SPTBN4: variants seen among roughly 807,000 people sequenced by gnomAD.
SPTBN4 encodes spectrin beta, non-erythrocytic 4.
Under a neutral mutation model 277.8 loss-of-function variants are expected in SPTBN4, and 96 were observed. That is an observed-to-expected ratio of 0.35 (90% CI 0.29 to 0.41). The LOEUF is 0.41. Among genes scored for constraint, SPTBN4 ranks in the 10% least tolerant of loss-of-function variants. The pLI is 1.00. For synonymous variants in SPTBN4, 1,481 were observed against 1,580.3 expected (o/e 0.94, Z 1.49); for missense variants, 3,006 against 3,595.7 (o/e 0.84, Z 4.19).
chr19:40,534,578 A>G (rs2080714195), intron 20 of SPTBN4: 1 of 556,428 alleles, frequency 1.8e-6, no homozygotes, highest in Non-Finnish European at 3.2e-6. Context: ...TAGAGCCACA[A>G]AGCAGTAGGT....
At chr19:40,508,915 AG>A (rs933026219) in intron 13 of SPTBN4, among the ~76,000 whole-genome samples, 3 of 151,902 alleles carry the variant, frequency 2.0e-5, no homozygotes, top group Non-Finnish European at 2.9e-5. Context: ...TGAGCCGGCG[AG>A]GGGATGCGTG....
Position 40,554,129 on chromosome 19 carries a change from C to T in SPTBN4, c.4675-18C>T. 7.0e-7 allele frequency: 1 copy of T among 1,430,996 alleles called. No individual in the cohort carries two copies. The highest frequency in any genetic ancestry group is 1.5e-5 in the South Asian group (1 of 65,042). 88.6% of individuals were successfully genotyped at this position (1,430,996 alleles called of 1,614,324 possible). A position where few individuals can be genotyped will look rare whatever the true frequency, so the allele number is the denominator to read the frequency against. ...AACGCCCCCTCTCCACCCACATCCC[C>T]TTACCTCCTGCCCCCAGGGCCTGCG... On this transcript the variant is annotated intron_variant, in intron 22 of 35. Transcript: ENST00000598249. The surrounding 1 kb of genome is among the most constrained non-coding windows in gnomAD (Gnocchi z 5.7).
chr19:40,502,840 G>A lies in SPTBN4; in HGVS notation c.1269G>A (p.Arg423=). Residue 423 remains arginine, a synonymous_variant, in exon 11 of 36, where the codon CGG becomes CGA. Coordinates refer to ENST00000598249, the MANE Select transcript of SPTBN4 (RefSeq NM_020971.3). This position sits in a 1 kb window ranked among gnomAD's most constrained non-coding sequence, Gnocchi z 4.9. The part of the protein sequence containing the change: ...REAALRAELI[R]QEKLELLAQR... ...CTGCCCTACGGGCTGAGCTGATTCG[G>A]CAGGAGAAGCTGGAACTACTGGCAC... 6.2e-7 allele frequency: 1 copy of A among 1,613,920 alleles called. No individual in the cohort carries two copies. Among genetic ancestry groups the A allele is most frequent in the African/African-American group, 1.3e-5 (1 of 75,044 alleles).
Position 40,513,214 on chromosome 19 carries a change from C to T in SPTBN4, c.2425C>T (p.Arg809Cys), listed in dbSNP as rs1308554227. 3.3e-6 allele frequency: 5 copies of T among 1,504,420 alleles called. No individual in the cohort carries two copies. The South Asian group carries it at 6.2e-5, about 19-fold the overall frequency. The allele number at this position is 1,504,420 out of a possible 1,614,324, so 93.2% of individuals were successfully genotyped here. A position where few individuals can be genotyped will look rare whatever the true frequency, so the allele number is the denominator to read the frequency against. ...GDFGHDEASSRRLARQHRALT... is the reference protein window; with the variant it reads ...GDFGHDEASSCRLARQHRALT... ...CTTCGGCCACGACGAAGCTTCCAGC[C>T]GCCGCCTGGCGCGCCAGCACCGCGC... The change falls in exon 14 of 36, where the codon CGC (arginine) becomes TGC (cysteine). Residue 809 changes from arginine to cysteine, a missense_variant. By Grantham distance (180) the Arg-to-Cys change is radical. Around this residue, in one of 5 missense-constraint regions of SPTBN4, gnomAD observed 1,759 missense variants for 2,061.5 expected, o/e 0.85. Coordinates refer to ENST00000598249, the MANE Select transcript of SPTBN4 (RefSeq NM_020971.3).
chr19:40,510,089 G>A (rs2145860492), intron 13 of SPTBN4, among the ~76,000 whole-genome samples: 1 of 152,214 alleles, frequency 6.6e-6, no homozygotes, highest in Non-Finnish European at 1.5e-5. Flanking sequence ...CATGGGGATG[G>A]GAGGCAGCGC....
chr19:40,477,941 C>T (rs1033873622), intron 2 of SPTBN4, among the ~76,000 whole-genome samples: 40 of 152,010 alleles, frequency 2.6e-4, no homozygotes, highest in African/African-American at 9.2e-4. Context: ...TGGGTTCAAG[C>T]GATTCTCCTG....
At chr19:40,509,509 T>G (rs1322840215) in intron 13 of SPTBN4, among the ~76,000 whole-genome samples, 2 of 152,184 alleles carry the variant, frequency 1.3e-5, no homozygotes, top group African/African-American at 4.8e-5. Flanking sequence ...CTTCCCAAAG[T>G]GCTGGGATTA....
intron 2 of SPTBN4, among the ~76,000 whole-genome samples, chr19:40,478,898 C>T (rs2145809090): frequency 6.6e-6 from 1 of 152,288 alleles, no homozygotes; most frequent in South Asian, 2.1e-4. Context: ...ATCTCCCATG[C>T]TTAGGGTTCA....
chr19:40,493,814 A>G (rs1397414904), intron 5 of SPTBN4, among the ~76,000 whole-genome samples: 1 of 152,224 alleles, frequency 6.6e-6, no homozygotes, highest in Non-Finnish European at 1.5e-5. Context: ...AATGCTGGAA[A>G]GAGGTGAACT....
chr19:40,557,774 C>T lies in SPTBN4; in HGVS notation c.5670+371C>T, dbSNP rs143264247. On this transcript the variant is annotated intron_variant, in intron 26 of 35. Transcript: ENST00000598249. ...CTCTACTAAAAATACGAAAATTAGC[C>T]AGGTCTGGTGGCGGGCACCTGTAAT... Among the ~76,000 whole-genome samples, 615 of 151,786 alleles carry T rather than the reference C, an allele frequency of 4.1e-3. 4 individuals carry two copies. Among genetic ancestry groups the T allele is most frequent in the African/African-American group, 0.014 (591 of 41,418 alleles).
At chr19:40,477,084 G>T (rs140618825) in intron 2 of SPTBN4, among the ~76,000 whole-genome samples, 1 of 150,840 alleles carries the variant, frequency 6.6e-6, no homozygotes, top group African/African-American at 2.4e-5. Context: ...CTGCTGCCAG[G>T]CTGGAGTGTG....
At chr19:40,506,478 G>T in intron 13 of SPTBN4, 92 bp downstream of exon 13, 1 of 1,482,146 alleles carries the variant, frequency 6.7e-7, no homozygotes. Context: ...GAAGGAAAGA[G>T]TGAGCTCCTT....
intron 7 of SPTBN4, among the ~76,000 whole-genome samples, chr19:40,500,179 A>T (rs1326759733): frequency 6.6e-6 from 1 of 151,598 alleles, no homozygotes; most frequent in East Asian, 1.9e-4. Flanking sequence ...ACTGCACCCC[A>T]GATCCCAACT....
chr19:40,556,358 C>A, intron 25 of SPTBN4, 70 bp downstream of exon 25: 1 of 1,375,954 alleles, frequency 7.3e-7, no homozygotes, highest in Non-Finnish European at 1.0e-6. Flanking sequence ...GTTTCCTCAT[C>A]TGTAGTATGA....
intron 1 of SPTBN4, among the ~76,000 whole-genome samples, chr19:40,469,428 C>G (rs926114131): frequency 6.6e-6 from 1 of 151,562 alleles, no homozygotes; most frequent in Non-Finnish European, 1.5e-5. Context: ...CCTTGCCCAC[C>G]TAATTTTTGT....
At chr19:40,572,685 G>A (rs117557920) in intron 35 of SPTBN4, 59,365 of 383,066 alleles carry the variant, frequency 0.15, 5,619 homozygotes, top group Non-Finnish European at 0.2. Flanking sequence ...TTGGCCAGGC[G>A]CGGTGGCTCA....
intron 22 of SPTBN4, 56 bp downstream of exon 22, chr19:40,550,383 A>G (rs762116040): frequency 1.6e-5 from 25 of 1,555,176 alleles, no homozygotes; most frequent in Non-Finnish European, 2.2e-5. Context: ...TGTGATAGAA[A>G]CAGCTGAAGG....
intron 17 of SPTBN4, among the ~76,000 whole-genome samples, chr19:40,526,167 C>CTT (rs1168105162): frequency 0.012 from 1,148 of 93,080 alleles, 6 homozygotes; most frequent in Non-Finnish European, 0.015. Flanking sequence ...AGGTGCTGTT[C>CTT]TTTTTTTTTT....
At chr19:40,497,704 A>G in intron 7 of SPTBN4, 100 bp downstream of exon 7, 1 of 937,624 alleles carries the variant, frequency 1.1e-6, no homozygotes. Flanking sequence ...ACCATCCCAA[A>G]TCCTGAGGCC....
Sources: allele counts gnomAD v4.1 joint callset (sites outside exome capture counted in the v4.1 genomes callset), GRCh38; gene constraint gnomAD v4.1.1; regional missense constraint gnomAD v4.1.1; non-coding constraint Gnocchi (gnomAD v3.1); transcripts MANE v1.5; gene names NCBI Gene and HGNC (gene_info 2026-07-23, HGNC 2026-07-21).